The following VPS13B variants were observed in gnomAD, a reference collection of about 807,000 sequenced individuals.
The protein encoded by VPS13B is intermembrane lipid transfer protein VPS13B.
A neutral mutation model predicts 426.4 loss-of-function variants in VPS13B; 285 were observed. The ratio of observed to expected loss-of-function variants is 0.67; its 90% CI spans 0.61 to 0.74. The LOEUF is 0.74. VPS13B is among the 30% of genes least tolerant of loss of function. The probability of loss-of-function intolerance (pLI) is 0.00; values close to 1 mark genes in which losing one functional copy is unlikely to be tolerated. For missense variants in VPS13B, 4,537 were observed against 4,782.6 expected (o/e 0.95, Z 1.51); for synonymous variants, 1,676 against 1,676.4 (o/e 1.00, Z 0.01).
chr8:99,181,966 A>G (rs2132697061), intron 16 of VPS13B, among the ~76,000 whole-genome samples: 1 of 152,272 alleles, frequency 6.6e-6, no homozygotes, highest in South Asian at 2.1e-4. Context: ...CAATTAAAAA[A>G]TGGGCAAAAG....
intron 13 of VPS13B, among the ~76,000 whole-genome samples, chr8:99,146,599 G>T (rs899222054): frequency 1.6e-4 from 24 of 152,102 alleles, no homozygotes; most frequent in Non-Finnish European, 2.2e-4. Context: ...TGGAGATGGG[G>T]TCTCACTTTG....
At chr8:99,086,138 C>T (rs1256695182) in intron 3 of VPS13B, among the ~76,000 whole-genome samples, 1 of 152,172 alleles carries the variant, frequency 6.6e-6, no homozygotes, top group Non-Finnish European at 1.5e-5. Flanking sequence ...TCCCATATTT[C>T]TTGGAGGCTT....
intron 15 of VPS13B, among the ~76,000 whole-genome samples, chr8:99,161,472 C>T (rs1200317327): frequency 6.6e-6 from 1 of 152,102 alleles, no homozygotes; most frequent in Non-Finnish European, 1.5e-5. Flanking sequence ...TACTTCTTCA[C>T]GATTTCTACT....
intron 20 of VPS13B, among the ~76,000 whole-genome samples, chr8:99,390,063 T>G (rs1814339771): frequency 6.6e-6 from 1 of 152,128 alleles, no homozygotes; most frequent in South Asian, 2.1e-4. Flanking sequence ...TATGTTATGA[T>G]GCTTTCGATA....
chr8:99,392,935 T>G (rs1814521892), intron 21 of VPS13B, among the ~76,000 whole-genome samples: 4 of 152,104 alleles, frequency 2.6e-5, no homozygotes, highest in Non-Finnish European at 5.9e-5. Flanking sequence ...ATTATAAAAT[T>G]AAATATTCTT....
At chr8:99,037,468 G>T (rs1012332892) in intron 2 of VPS13B, among the ~76,000 whole-genome samples, 1 of 152,056 alleles carries the variant, frequency 6.6e-6, no homozygotes, top group Non-Finnish European at 1.5e-5. Flanking sequence ...ACAATAAACT[G>T]TCTGCTGGCT....
At chr8:99,232,369 A>G (rs923192959) in intron 17 of VPS13B, among the ~76,000 whole-genome samples, 2 of 152,182 alleles carry the variant, frequency 1.3e-5, no homozygotes, top group Non-Finnish European at 2.9e-5. Context: ...TGATATACAC[A>G]GATGATCCAT....
chr8:99,766,686 A>AT, intron 39 of VPS13B, 88 bp from the exon 40 acceptor site: 2 of 1,204,082 alleles, frequency 1.7e-6, no homozygotes, highest in South Asian at 2.8e-5. Context: ...TAATGTTATA[A>AT]TTTTTATAAA....
chr8:99,274,380 T>C lies in VPS13B; in HGVS notation c.2650+48T>C, dbSNP rs200255011. ...AAACTTTATTGCCTGTATAGGAGAA[T>C]TGGCCTTGCGTTTTACAAGGAGCGT... On this transcript the variant is annotated intron_variant, in intron 18 of 61. Transcript: ENST00000357162. The C allele has an allele frequency of 2.9e-5, 47 of 1,613,756 alleles. No individual in the cohort carries two copies. In the East Asian group the frequency reaches 9.8e-4, roughly 34 times the overall value.
At chr8:99,336,337 T>C (rs575066628) in intron 19 of VPS13B, among the ~76,000 whole-genome samples, 62 of 152,264 alleles carry the variant, frequency 4.1e-4, no homozygotes, top group African/African-American at 1.4e-3. Flanking sequence ...CTGGATCCCT[T>C]CCTTACACCT....
chr8:99,645,831 TCCCATTACCAATTTG>T (rs1829555703), intron 34 of VPS13B, among the ~76,000 whole-genome samples: 1 of 152,226 alleles, frequency 6.6e-6, no homozygotes, highest in Non-Finnish European at 1.5e-5. Context: ...ATTGTCTAAG[TCCCATTACCAATTTG>T]GCTATCCAGA....
intron 19 of VPS13B, among the ~76,000 whole-genome samples, chr8:99,366,824 C>T (rs1812918818): frequency 6.6e-6 from 1 of 152,088 alleles, no homozygotes; most frequent in South Asian, 2.1e-4. Flanking sequence ...TTATTTTAAA[C>T]TGATGACAGC....
intron 43 of VPS13B, chr8:99,799,173 G>C (rs931555019): frequency 1.3e-5 from 2 of 152,224 alleles, no homozygotes; most frequent in African/African-American, 4.8e-5. Context: ...CTGAGTGTCA[G>C]ATGCATGGAA....
intron 19 of VPS13B, among the ~76,000 whole-genome samples, chr8:99,287,490 A>G (rs1819512175): frequency 6.6e-6 from 1 of 152,068 alleles, no homozygotes; most frequent in African/African-American, 2.4e-5. Flanking sequence ...CACTTAATAT[A>G]GTATTATTTA....
At chr8:99,401,067 A>C (rs541082000) in intron 21 of VPS13B, among the ~76,000 whole-genome samples, 48 of 152,314 alleles carry the variant, frequency 3.2e-4, no homozygotes, top group African/African-American at 1.1e-3. Context: ...GTTGGTTTTA[A>C]TGGCTGACAT....
In VPS13B at chr8:99,742,979, A is replaced by C. The variant is rs550953359; in HGVS notation, c.7050+21932A>C. On this transcript the variant is annotated intron_variant, in intron 39 of 61. Transcript: ENST00000357162. The stretch of plus-strand genomic sequence containing the variant: ...TAATGTTGGAAGTTCTGGCCAGGGC[A>C]ATCAGGCAGGAGAAGGAAATAAAGG... 3.9e-5 allele frequency among the ~76,000 whole-genome samples: 6 copies of C among 152,318 alleles called. No individual in the cohort carries two copies. In the East Asian group the frequency reaches 9.6e-4, roughly 24 times the overall value.
At position 99,675,714 on chromosome 8, in the gene VPS13B, A is replaced by G. The variant is rs572754645; in HGVS notation, c.6046+14223A>G. On this transcript the variant is annotated intron_variant, in intron 35 of 61. Coordinates refer to ENST00000357162, the MANE Select transcript of VPS13B (RefSeq NM_152564.5). The stretch of plus-strand genomic sequence containing the variant: ...ATAGATTGTTTCTTCTGCTTGATCA[A>G]TTCTGCTGTTGATATTCTCTTTTTT... Among the ~76,000 whole-genome samples the G allele has an allele frequency of 6.6e-5, 10 of 152,018 alleles. No homozygotes were observed. The East Asian group carries it at 1.5e-3, about 24-fold the overall frequency.
chr8:99,778,080 A>C (rs565706276), intron 41 of VPS13B, among the ~76,000 whole-genome samples: 18 of 152,064 alleles, frequency 1.2e-4, no homozygotes, highest in Non-Finnish European at 2.6e-4. Flanking sequence ...AAATACAAAA[A>C]AATTAGCTGG....
intron 33 of VPS13B, among the ~76,000 whole-genome samples, chr8:99,588,188 G>A (rs1480730126): frequency 1.3e-5 from 2 of 151,392 alleles, no homozygotes; most frequent in Non-Finnish European, 1.5e-5. Context: ...TATCTGTTTT[G>A]GTACCAGTAC....
Sources: allele counts gnomAD v4.1 joint callset (sites outside exome capture counted in the v4.1 genomes callset), GRCh38; gene constraint gnomAD v4.1.1; transcripts MANE v1.5; gene names NCBI Gene and HGNC (gene_info 2026-07-23, HGNC 2026-07-21).